The following ADGRF3 variants were observed in gnomAD, a reference collection of about 807,000 sequenced individuals.
The protein encoded by ADGRF3 is G protein-coupled receptor 113.
ADGRF3 carries 85 observed loss-of-function variants against 93.2 expected under a neutral mutation model. That is an observed-to-expected ratio of 0.91 (90% CI 0.77 to 1.09). The LOEUF (loss-of-function observed/expected upper bound fraction) is 1.09, where lower values mean the gene tolerates loss of function less well. Among genes scored for constraint, ADGRF3 ranks in the 50% least tolerant of loss-of-function variants. The pLI is 0.00. For synonymous variants in ADGRF3, 534 were observed against 532.5 expected, an observed-to-expected ratio of 1.00 and a Z score of -0.04; for missense variants, 1,125 against 1,246.2, an observed-to-expected ratio of 0.90 and a Z score of 1.46.
intron 9 of ADGRF3, 149 bp downstream of exon 9, chr2:26,312,794 G>T: frequency 1.4e-6 from 1 of 703,232 alleles, no homozygotes; most frequent in Non-Finnish European, 2.3e-6. Flanking sequence ...TCTGAGAGGA[G>T]AAATGGATCA....
rs370634950 is a variant in ADGRF3 at position 26,310,234 on chromosome 2, C to T, written c.2836G>A (p.Val946Ile). 21 of 1,613,848 alleles carry T rather than the reference C, an allele frequency of 1.3e-5. No individual in the cohort carries two copies. The highest frequency in any genetic ancestry group is 1.1e-4 in the East Asian group (5 of 44,896). ...IFTILNTLQG[V>I]FILLFGCLMD... ...AGGCAACCAAACAATAGGATGAAGA[C>T]GCCCTGAGAAGAGGGACATGGGGAT... The change falls in exon 11 of 14, where the codon GTC becomes ATC. Residue 946 changes from valine to isoleucine, a missense_variant. Transcript: ENST00000651242.
chr2:26,317,428 C>T, intron 2 of ADGRF3, 68 bp downstream of exon 2: 1 of 1,466,584 alleles, frequency 6.8e-7, no homozygotes, highest in South Asian at 1.2e-5. Flanking sequence ...TTTCTGGGTC[C>T]TGGGTTTCCA....
In ADGRF3 at chr2:26,346,382, C is replaced by G. The variant is rs1158929045; in HGVS notation, c.-148G>C. 2 of 1,388,764 alleles carry G rather than the reference C, an allele frequency of 1.4e-6. No individual in the cohort carries two copies. Among genetic ancestry groups the G allele is most frequent in the East Asian group, 2.7e-5 (1 of 36,562 alleles). The allele number at this position is 1,388,764 out of a possible 1,614,324, so 86.0% of individuals were successfully genotyped here. A position where few individuals can be genotyped will look rare whatever the true frequency, so the allele number is the denominator to read the frequency against. On this transcript the variant is annotated 5_prime_UTR_variant, in exon 1 of 14. Transcript: ENST00000651242. ...CGGCGCGGTCCGTGTCACCTTGTGC[C>G]GCGTGGCTCCGGGCGGGCTGGCGGG...
chr2:26,312,968 A>T lies in ADGRF3; in HGVS notation c.1424T>A (p.Ile475Lys), dbSNP rs1358722089. Residue 475 changes from isoleucine (I) to lysine (K), a missense_variant, in exon 9 of 14, where the codon ATA becomes AAA. By Grantham distance (102) the Ile-to-Lys change is moderately radical (BLOSUM62 -3). Coordinates refer to ENST00000651242, the MANE Select transcript of ADGRF3 (RefSeq NM_001321971.2). ...CTTCAGGGCTCTGCGGTCAAGCTGT[A>T]TTCTGGCCTCTGCCACCACCTTGGC... ...YVAKVVAEARIQLDRRALKNL... is the reference protein window; with the variant it reads ...YVAKVVAEARKQLDRRALKNL... 4 of 1,613,270 alleles carry T rather than the reference A, an allele frequency of 2.5e-6. No individual in the cohort carries two copies. Among genetic ancestry groups the T allele is most frequent in the African/African-American group, 1.3e-5 (1 of 75,034 alleles).
chr2:26,325,019 T>TG (rs1450274222), intron 1 of ADGRF3, among the ~76,000 whole-genome samples: 7 of 152,144 alleles, frequency 4.6e-5, no homozygotes, highest in African/African-American at 1.7e-4. Flanking sequence ...CCATTCTGAC[T>TG]GGGGATCTTG....
chr2:26,339,275 C>T (rs959201715), intron 1 of ADGRF3, among the ~76,000 whole-genome samples: 1 of 152,050 alleles, frequency 6.6e-6, no homozygotes, highest in African/African-American at 2.4e-5. Flanking sequence ...GTGGGTGGAT[C>T]ACTTGAGGTC....
Position 26,311,490 on chromosome 2 carries a change from C to T in ADGRF3, c.2034G>A (p.Gln678=). The change falls in exon 10 of 14, where the codon CAG becomes CAA. Residue 678 remains glutamine, a synonymous_variant. Coordinates refer to ENST00000651242, the MANE Select transcript of ADGRF3 (RefSeq NM_001321971.2). ...AGGCAGTGAGGTGCTGGCAGAGGCACTGAGCAGTGGGGCTGGCACTGGCCA... is the reference window on the plus strand; with the variant it reads ...AGGCAGTGAGGTGCTGGCAGAGGCATTGAGCAGTGGGGCTGGCACTGGCCA... ...AQVASASPTA[Q]CLCQHLTAFS... 6.2e-7 allele frequency: 1 copy of T among 1,613,870 alleles called. No individual in the cohort carries two copies. The highest frequency in any genetic ancestry group is 8.5e-7 in the Non-Finnish European group (1 of 1,179,744).
chr2:26,344,457 C>T (rs1001662555), intron 1 of ADGRF3, among the ~76,000 whole-genome samples: 2 of 152,156 alleles, frequency 1.3e-5, no homozygotes, highest in Admixed American at 1.3e-4. Flanking sequence ...ACTCTCATTT[C>T]TAATGTTCTT....
intron 1 of ADGRF3, among the ~76,000 whole-genome samples, chr2:26,334,081 C>G (rs1377993310): frequency 6.6e-6 from 1 of 151,868 alleles, no homozygotes; most frequent in African/African-American, 2.4e-5. Context: ...TCGCCTCAGC[C>G]TCCTAAAGTG....
chr2:26,344,216 T>C (rs529008078), intron 1 of ADGRF3, among the ~76,000 whole-genome samples: 1 of 152,264 alleles, frequency 6.6e-6, no homozygotes, highest in Non-Finnish European at 1.5e-5. Flanking sequence ...ACAATCTCGG[T>C]TCACCGTAAC....
chr2:26,311,872 A>C lies in ADGRF3; in HGVS notation c.1652T>G (p.Phe551Cys). 6.2e-7 allele frequency: 1 copy of C among 1,613,922 alleles called. No homozygotes were observed. The highest frequency in any genetic ancestry group is 8.5e-7 in the Non-Finnish European group (1 of 1,179,862). The change falls in exon 10 of 14, where the codon TTT becomes TGT. Residue 551 changes from phenylalanine (F) to cysteine (C), a missense_variant. Coordinates refer to ENST00000651242, the MANE Select transcript of ADGRF3 (RefSeq NM_001321971.2). Reference sequence around the variant, plus strand: ...GAAGGAGATGCTGTAGTCAGCAGGAAACGTGGGTCCAAACAGCTGGCTCTG... The same window carrying C: ...GAAGGAGATGCTGTAGTCAGCAGGACACGTGGGTCCAAACAGCTGGCTCTG... ...LLQSQLFGPT[F>C]PADYSISFPT...
Position 26,316,401 on chromosome 2 carries a change from CAG to C in ADGRF3, c.371_372del (p.Ser124TrpfsTer58). 1 of 1,551,728 alleles carries C rather than the reference CAG, an allele frequency of 6.4e-7. No homozygotes were observed. Among genetic ancestry groups the C allele is most frequent in the Non-Finnish European group, 8.7e-7 (1 of 1,147,008 alleles). ...CAGATGCTGGTGTTCCACTGGTAGC[CAG>C]AGAGGCAAGCACAATAGAAATTCCC... ...HKGNFYCACLSGYQWNTSICL... is the reference protein window; with the variant it reads ...HKGNFYCACLXGYQWNTSICL... On this transcript the variant is annotated frameshift_variant, in exon 4 of 14. Coordinates refer to ENST00000651242, the MANE Select transcript of ADGRF3 (RefSeq NM_001321971.2). LOFTEE classifies it high-confidence loss of function.
rs773250421 is a variant in ADGRF3 at position 26,310,235 on chromosome 2, G to A, written c.2835C>T (p.Gly945=). ...GGCAACCAAACAATAGGATGAAGACGCCCTGAGAAGAGGGACATGGGGATA... is the reference window on the plus strand; with the variant it reads ...GGCAACCAAACAATAGGATGAAGACACCCTGAGAAGAGGGACATGGGGATA... ...YIFTILNTLQ[G]VFILLFGCLM... Residue 945 remains glycine, a splice_region_variant and synonymous_variant, in exon 11 of 14, where the codon GGC becomes GGT. Coordinates refer to ENST00000651242, the MANE Select transcript of ADGRF3 (RefSeq NM_001321971.2). 5.0e-6 allele frequency: 8 copies of A among 1,613,870 alleles called. No homozygotes were observed. Among genetic ancestry groups the A allele is most frequent in the East Asian group, 4.5e-5 (2 of 44,890 alleles).
chr2:26,323,003 G>C (rs746193504), intron 1 of ADGRF3, among the ~76,000 whole-genome samples: 3 of 152,044 alleles, frequency 2.0e-5, no homozygotes, highest in Non-Finnish European at 4.4e-5. Context: ...GCCAGGGGTG[G>C]TGGTGGGCAC....
intron 1 of ADGRF3, among the ~76,000 whole-genome samples, chr2:26,322,878 C>A (rs752218746): frequency 2.0e-5 from 3 of 151,774 alleles, no homozygotes; most frequent in Non-Finnish European, 4.4e-5. Flanking sequence ...CTCCTGTAAT[C>A]TAATCCCAGC....
chr2:26,313,392 C>G lies in ADGRF3; in HGVS notation c.1254G>C (p.Leu418Phe). 6.3e-7 allele frequency: 1 copy of G among 1,595,396 alleles called. No homozygotes were observed. Among genetic ancestry groups the G allele is most frequent in the Non-Finnish European group, 8.5e-7 (1 of 1,171,540 alleles). ...GAAGCTTCACCTTGGTTCTAGTGAA[C>G]AAGGCCAGGAGCCTCGCATCTGTGC... is the stretch of plus-strand genomic sequence containing the variant. Reference protein sequence around the residue: ...SSCTDARLLALFTRTKLLQAG... With the variant: ...SSCTDARLLAFFTRTKLLQAG... Residue 418 changes from leucine (L) to phenylalanine (F), a missense_variant, in exon 8 of 14, where the codon TTG becomes TTC. Physicochemically the swap from Leu to Phe is conservative, Grantham distance 22. Transcript: ENST00000651242.
At position 26,337,093 on chromosome 2, in the gene ADGRF3, G is replaced by A. The variant is rs534035142; in HGVS notation, c.114+9028C>T. Among the ~76,000 whole-genome samples the A allele has an allele frequency of 2.0e-4, 31 of 152,296 alleles. 1 individual carries two copies. In the South Asian group the frequency reaches 4.6e-3, roughly 22 times the overall value. On this transcript the variant is annotated intron_variant, in intron 1 of 13. Transcript: ENST00000651242. ...GAAGCCTACTTACTGTATTTTTAGC[G>A]ACAGCAGCTAATCTGAAGTGGTAGA...
At chr2:26,334,881 A>AAT (rs1216336783) in intron 1 of ADGRF3, among the ~76,000 whole-genome samples, 23 of 152,354 alleles carry the variant, frequency 1.5e-4, no homozygotes, top group African/African-American at 5.3e-4. Context: ...AATGCCCACA[A>AAT]ATTAAAAACA....
At chr2:26,329,963 T>C (rs1675669342) in intron 1 of ADGRF3, among the ~76,000 whole-genome samples, 1 of 152,248 alleles carries the variant, frequency 6.6e-6, no homozygotes, top group South Asian at 2.1e-4. Context: ...TTCCAGGTTC[T>C]TCAAATGCCA....
Sources: gnomAD v4.1 joint callset for allele counts (sites outside exome capture counted in the v4.1 genomes callset) on GRCh38, gnomAD v4.1.1 for gene constraint, MANE v1.5 for transcripts, NCBI Gene and HGNC (gene_info 2026-07-23, HGNC 2026-07-21) for gene names.